Variants in ASH2L observed in about 807,000 individuals in gnomAD.
The protein encoded by ASH2L is set1/Ash2 histone methyltransferase complex subunit ASH2.
A neutral mutation model predicts 81.1 loss-of-function variants in ASH2L; 30 were observed. That is an observed-to-expected ratio of 0.37 (90% CI 0.28 to 0.50). The LOEUF (loss-of-function observed/expected upper bound fraction) is 0.50. Among genes scored for constraint, ASH2L ranks in the 20% least tolerant of loss-of-function variants. ASH2L has a pLI of 0.95. For synonymous variants in ASH2L, 273 were observed against 279.9 expected, an observed-to-expected ratio of 0.98 and a Z score of 0.24; for missense variants, 559 against 792.1, an observed-to-expected ratio of 0.71 and a Z score of 3.53.
In ASH2L at chr8:38,118,696, A is replaced by T. The variant is rs149698607; in HGVS notation, c.854-574A>T. On this transcript the variant is annotated intron_variant, in intron 8 of 15. Coordinates refer to ENST00000343823, the MANE Select transcript of ASH2L (RefSeq NM_004674.5). ...AGATCTAGCAGTACTGGAGAGAAAC[A>T]CCTTTTTAGTACTTCTGTTTCCGTT... Among the ~76,000 whole-genome samples, 65 of 152,226 alleles carry T rather than the reference A, an allele frequency of 4.3e-4. 1 individual carries two copies. In the East Asian group the frequency reaches 0.011, roughly 26 times the overall value.
intron 14 of ASH2L, 39 bp from the exon 15 acceptor site, chr8:38,138,777 C>T (rs1400455461): frequency 1.3e-6 from 2 of 1,590,202 alleles, no homozygotes; most frequent in Admixed American, 3.5e-5. Context: ...TATTTTTTGT[C>T]CATTTTTTCC....
chr8:38,114,333 GT>G (rs541131994), intron 6 of ASH2L, 46 bp downstream of exon 6: 1 of 1,230,608 alleles, frequency 8.1e-7, no homozygotes, highest in Admixed American at 2.2e-5. Context: ...AAAAACCATT[GT>G]TTTTTGTAAG....
At chr8:38,123,063 T>TA (rs1458532698) in intron 10 of ASH2L, among the ~76,000 whole-genome samples, 1 of 146,132 alleles carries the variant, frequency 6.8e-6, no homozygotes, top group Non-Finnish European at 1.5e-5. Context: ...AATATGCACA[T>TA]AAAGTAGTTT....
rs572684962 is a variant in ASH2L, at chr8:38,134,031, T to C, written c.1620+485T>C. On this transcript the variant is annotated intron_variant, in intron 13 of 15. Transcript: ENST00000343823. ...TGATCTATGACCTTACCCCCAACCC[T>C]GTGCTCTCTGAAACATGTGCTGTGT... Among the ~76,000 whole-genome samples the C allele has an allele frequency of 6.1e-4, 93 of 152,272 alleles. 1 individual carries two copies. Among genetic ancestry groups the C allele is most frequent in the Middle Eastern group, 3.4e-3 (1 of 294 alleles).
chr8:38,106,361 C>T lies in ASH2L; in HGVS notation c.189-17C>T. ...TGTCTTGAGAATTCTTACTTGAGCGCTTTCATTATCTTATAGGGAGGCAAA... is the reference window on the plus strand; with the variant it reads ...TGTCTTGAGAATTCTTACTTGAGCGTTTTCATTATCTTATAGGGAGGCAAA... On this transcript the variant is annotated splice_polypyrimidine_tract_variant and intron_variant, in intron 1 of 15. Coordinates refer to ENST00000343823, the MANE Select transcript of ASH2L (RefSeq NM_004674.5). 4 of 1,612,676 alleles carry T rather than the reference C, an allele frequency of 2.5e-6. 1 individual carries two copies. Among genetic ancestry groups the T allele is most frequent in the Admixed American group, 3.3e-5 (2 of 59,804 alleles).
At chr8:38,118,067 A>G (rs1810982707) in intron 8 of ASH2L, among the ~76,000 whole-genome samples, 1 of 152,232 alleles carries the variant, frequency 6.6e-6, no homozygotes, top group African/African-American at 2.4e-5. Flanking sequence ...TCAAAAAAAC[A>G]AAAATTTAAT....
chr8:38,128,033 G>A (rs1453873171), intron 10 of ASH2L, among the ~76,000 whole-genome samples: 3 of 111,012 alleles, frequency 2.7e-5, no homozygotes, highest in South Asian at 3.3e-4. Flanking sequence ...GCGACAGAGC[G>A]GGACTCCATC....
At chr8:38,129,106 G>A (rs1159375819) in intron 12 of ASH2L, among the ~76,000 whole-genome samples, 155 bp downstream of exon 12, 1 of 152,052 alleles carries the variant, frequency 6.6e-6, no homozygotes, top group Non-Finnish European at 1.5e-5. Flanking sequence ...GTAACAATCG[G>A]TGCACAAATA....
chr8:38,119,505 A>G, intron 9 of ASH2L, 142 bp downstream of exon 9: 1 of 668,478 alleles, frequency 1.5e-6, no homozygotes, highest in Non-Finnish European at 2.4e-6. Flanking sequence ...TTTGAGGGAC[A>G]AAATAACCCC....
intron 13 of ASH2L, among the ~76,000 whole-genome samples, chr8:38,133,776 GAA>G (rs1387837826): frequency 6.6e-6 from 1 of 152,168 alleles, no homozygotes; most frequent in African/African-American, 2.4e-5. Context: ...ACTCTGTAGA[GAA>G]AAGTGTATAA....
intron 5 of ASH2L, among the ~76,000 whole-genome samples, chr8:38,112,533 G>C (rs1304253300): frequency 2.0e-4 from 30 of 152,082 alleles, no homozygotes; most frequent in Admixed American, 2.0e-3. Flanking sequence ...AAGGTGCTGA[G>C]ATTACAGTTG....
At chr8:38,121,677 C>T (rs568701532) in intron 10 of ASH2L, among the ~76,000 whole-genome samples, 2 of 152,096 alleles carry the variant, frequency 1.3e-5, no homozygotes, top group South Asian at 2.1e-4. Flanking sequence ...GTGTTTTAAT[C>T]AGTTATTTTG....
chr8:38,124,344 T>G (rs1313454251), intron 10 of ASH2L: 1 of 152,032 alleles, frequency 6.6e-6, no homozygotes, highest in Non-Finnish European at 1.5e-5. Context: ...TAGCTGGGAC[T>G]ACAGGCACAC....
Position 38,139,753 on chromosome 8 carries a change from C to G in ASH2L, c.*682C>G, listed in dbSNP as rs757640743. On this transcript the variant is annotated 3_prime_UTR_variant, in exon 16 of 16. Coordinates refer to ENST00000343823, the MANE Select transcript of ASH2L (RefSeq NM_004674.5). ...TTGGGTGCCTCTTGGTGACAGTGTT[C>G]AGAAATGTAAGCAGCACGAGGAAGG... is the stretch of plus-strand genomic sequence containing the variant. 6.6e-6 allele frequency: 1 copy of G among 152,070 alleles called. No individual in the cohort carries two copies. Among genetic ancestry groups the G allele is most frequent in the Non-Finnish European group, 1.5e-5 (1 of 68,014 alleles). The allele number at this position is 152,070 out of a possible 1,614,324, so 9.4% of individuals were successfully genotyped here. A position where few individuals can be genotyped will look rare whatever the true frequency, so the allele number is the denominator to read the frequency against.
intron 10 of ASH2L, among the ~76,000 whole-genome samples, chr8:38,126,787 G>T (rs936701740): frequency 1.3e-4 from 20 of 150,120 alleles, no homozygotes; most frequent in Admixed American, 7.3e-4. Flanking sequence ...CCGGGAGGCG[G>T]AGCTTGCAGT....
At chr8:38,106,110 G>C in intron 1 of ASH2L, 1 of 1,526,206 alleles carries the variant, frequency 6.6e-7, no homozygotes, top group Non-Finnish European at 8.8e-7. Context: ...GCCTCTCTTT[G>C]AACCTCTCCC....
intron 5 of ASH2L, among the ~76,000 whole-genome samples, chr8:38,113,768 A>G (rs907799180): frequency 5.9e-5 from 9 of 152,252 alleles, no homozygotes; most frequent in Non-Finnish European, 1.2e-4. Flanking sequence ...AAGCAGATTT[A>G]TGAGGTAATA....
chr8:38,107,009 G>C lies in ASH2L; in HGVS notation c.256-12G>C. 1 of 1,613,864 alleles carries C rather than the reference G, an allele frequency of 6.2e-7. No individual in the cohort carries two copies. Among genetic ancestry groups the C allele is most frequent in the Non-Finnish European group, 8.5e-7 (1 of 1,179,836 alleles). On this transcript the variant is annotated splice_polypyrimidine_tract_variant and intron_variant, in intron 2 of 15. Coordinates refer to ENST00000343823, the MANE Select transcript of ASH2L (RefSeq NM_004674.5). ...AGTCAACTGATTTGAGTCTCGAACT[G>C]CTCTGACACAGGAAGGTGCTGGGGA...
chr8:38,120,687 A>G (rs1456903402), intron 9 of ASH2L, among the ~76,000 whole-genome samples: 1 of 133,628 alleles, frequency 7.5e-6, no homozygotes, highest in East Asian at 2.3e-4. Flanking sequence ...TTTAAAGACC[A>G]CTGGGAAGAT....
Sources: allele counts gnomAD v4.1 joint callset (sites outside exome capture counted in the v4.1 genomes callset), GRCh38; gene constraint gnomAD v4.1.1; transcripts MANE v1.5; gene names NCBI Gene and HGNC (gene_info 2026-07-23, HGNC 2026-07-21).